The following USP10 variants were observed in gnomAD, a reference collection of about 807,000 sequenced individuals.
USP10 encodes the protein ubiquitin specific peptidase 10, also known as ubiquitin carboxyl-terminal hydrolase 10.
In USP10, 22 loss-of-function variants were observed where a neutral mutation model predicts 84.5. The observed-to-expected ratio is 0.26, with a 90% CI of 0.19 to 0.37. The LOEUF is 0.37. Among genes scored for constraint, USP10 ranks in the 10% least tolerant of loss-of-function variants. The pLI, the probability that USP10 is intolerant of heterozygous loss-of-function variation, is 1.00. For synonymous variants in USP10, 454 were observed against 387.6 expected, an observed-to-expected ratio of 1.17 and a Z score of -2.01; for missense variants, 1,019 against 998.9, an observed-to-expected ratio of 1.02 and a Z score of -0.27.
chr16:84,736,462 G>A (rs531995930), intron 2 of USP10, among the ~76,000 whole-genome samples: 7 of 152,344 alleles, frequency 4.6e-5, no homozygotes, highest in East Asian at 3.9e-4. Flanking sequence ...CAGGAGAAAC[G>A]AATTCAGGTG....
intron 13 of USP10, among the ~76,000 whole-genome samples, chr16:84,776,639 C>A (rs1444250572): frequency 6.6e-6 from 1 of 152,156 alleles, no homozygotes; most frequent in African/African-American, 2.4e-5. Context: ...TGCACCTCTT[C>A]CCCTGGAGGC....
intron 1 of USP10, among the ~76,000 whole-genome samples, chr16:84,726,422 T>G (rs1908486435): frequency 6.6e-6 from 1 of 152,242 alleles, no homozygotes; most frequent in Non-Finnish European, 1.5e-5. Flanking sequence ...GCAGGAACAC[T>G]GGTTTTCCCA....
intron 4 of USP10, among the ~76,000 whole-genome samples, chr16:84,752,103 C>T (rs1213208083): frequency 6.6e-6 from 1 of 152,118 alleles, no homozygotes; most frequent in Non-Finnish European, 1.5e-5. Flanking sequence ...AATTTCAGTT[C>T]AGCCTTTTCA....
rs761696284 is a variant in USP10 at position 84,745,318 on chromosome 16, T to C, written c.837T>C (p.Thr279=). The change falls in exon 4 of 14, where the codon ACT becomes ACC. Residue 279 remains threonine, a synonymous_variant. Transcript: ENST00000219473. ...AGCCCTGCGTTGGTACCGATACTAC[T>C]GAAAACCTTGGAGTTGCTAATGGAC... ...GAQPCVGTDT[T]ENLGVANGQI... 3 of 1,612,954 alleles carry C rather than the reference T, an allele frequency of 1.9e-6. No individual in the cohort carries two copies. The highest frequency in any genetic ancestry group is 2.7e-5 in the African/African-American group (2 of 74,912).
chr16:84,745,756 A>G, intron 4 of USP10, 83 bp downstream of exon 4: 2 of 1,391,756 alleles, frequency 1.4e-6, no homozygotes, highest in Non-Finnish European at 1.9e-6. Flanking sequence ...TGTTACCCAT[A>G]ACAATGGCAG....
intron 1 of USP10, chr16:84,732,510 G>A (rs1214871329): frequency 1.6e-5 from 6 of 383,784 alleles, no homozygotes; most frequent in Admixed American, 3.4e-5. Flanking sequence ...GCGGTGGCGC[G>A]ATCTCAGCTC....
intron 4 of USP10, among the ~76,000 whole-genome samples, chr16:84,746,035 CTG>C (rs1911186993): frequency 6.6e-6 from 1 of 151,472 alleles, no homozygotes; most frequent in Non-Finnish European, 1.5e-5. Context: ...TTTGTACTCA[CTG>C]TGTGCTCCTT....
At chr16:84,717,253 G>C (rs543783547) in intron 1 of USP10, among the ~76,000 whole-genome samples, 2 of 152,014 alleles carry the variant, frequency 1.3e-5, no homozygotes, top group African/African-American at 4.8e-5. Context: ...CATTCTTTAG[G>C]GGGTGGGCCT....
At chr16:84,748,388 TCTC>T (rs1365586315) in intron 4 of USP10, among the ~76,000 whole-genome samples, 1 of 151,670 alleles carries the variant, frequency 6.6e-6, no homozygotes, top group Non-Finnish European at 1.5e-5. Flanking sequence ...ACTGCAACCT[TCTC>T]CTCCTGGGTT....
chr16:84,740,984 T>C (rs931764051), intron 3 of USP10, among the ~76,000 whole-genome samples: 7 of 152,266 alleles, frequency 4.6e-5, no homozygotes, highest in South Asian at 2.1e-4. Context: ...TAATTATTGA[T>C]TGCAGGCTGC....
intron 1 of USP10, among the ~76,000 whole-genome samples, chr16:84,730,332 A>T (rs1268490017): frequency 6.6e-6 from 1 of 151,862 alleles, no homozygotes; most frequent in Non-Finnish European, 1.5e-5. Flanking sequence ...TATTTTGAAG[A>T]TCTCTCGCTG....
At position 84,764,113 on chromosome 16, in the gene USP10, A is replaced by T; in HGVS notation, c.1682A>T (p.Asn561Ile). The change falls in exon 10 of 14, where the codon AAC (asparagine) becomes ATC (isoleucine). Residue 561 changes from asparagine to isoleucine, a missense_variant. Physicochemically the swap from Asn to Ile is moderately radical, Grantham distance 149. Around this residue, in one of 2 missense-constraint regions of USP10, gnomAD observed 787 missense variants for 708.8 expected, o/e 1.11. Transcript: ENST00000219473. ...EKLTISNGPKNHSVNEEEQEE... is the reference protein window; with the variant it reads ...EKLTISNGPKIHSVNEEEQEE... Reference sequence around the variant, plus strand: ...CTTACGATTTCCAACGGCCCCAAAAACCACTCGGTCAATGAAGAAGAGCAG... The same window carrying T: ...CTTACGATTTCCAACGGCCCCAAAATCCACTCGGTCAATGAAGAAGAGCAG... 1.2e-6 allele frequency: 2 copies of T among 1,613,654 alleles called. No homozygotes were observed. Among genetic ancestry groups the T allele is most frequent in the Non-Finnish European group, 1.7e-6 (2 of 1,179,726 alleles).
chr16:84,723,270 G>T (rs1233944656), intron 1 of USP10, among the ~76,000 whole-genome samples: 4 of 151,916 alleles, frequency 2.6e-5, no homozygotes, highest in Non-Finnish European at 5.9e-5. Context: ...CAAAATAGGT[G>T]TTCCTTTAAA....
chr16:84,768,395 G>T (rs761988726), intron 11 of USP10, 37 bp downstream of exon 11: 1 of 1,506,164 alleles, frequency 6.6e-7, no homozygotes, highest in South Asian at 1.4e-5. Context: ...TTCTACTAAG[G>T]TGCTCTGGTT....
intron 3 of USP10, 115 bp from the exon 4 acceptor site, chr16:84,744,518 T>A: frequency 2.1e-6 from 2 of 942,962 alleles, no homozygotes; most frequent in Non-Finnish European, 3.1e-6. Flanking sequence ...ACGTAATAGA[T>A]TTGTTGATTA....
Position 84,759,881 on chromosome 16 carries a change from C to T in USP10, c.1395-10C>T, listed in dbSNP as rs1343408092. 6.2e-7 allele frequency: 1 copy of T among 1,613,528 alleles called. No individual in the cohort carries two copies. The highest frequency in any genetic ancestry group is 1.1e-5 in the South Asian group (1 of 91,050). ...AACTGCACTATTTAACATTTTTTCC[C>T]CATGTTTAGTGTTCGGCTAATGAAT... On this transcript the variant is annotated splice_polypyrimidine_tract_variant and intron_variant, in intron 6 of 13. Transcript: ENST00000219473.
intron 1 of USP10, among the ~76,000 whole-genome samples, chr16:84,719,029 T>C (rs1907433531): frequency 6.6e-6 from 1 of 152,048 alleles, no homozygotes; most frequent in Non-Finnish European, 1.5e-5. Flanking sequence ...TGACCTCAAA[T>C]GATCCACCCG....
At chr16:84,719,769 T>G (rs1475637355) in intron 1 of USP10, among the ~76,000 whole-genome samples, 2 of 152,234 alleles carry the variant, frequency 1.3e-5, no homozygotes, top group East Asian at 1.9e-4. Flanking sequence ...AATACATAAT[T>G]AAAGAGTGGA....
At chr16:84,719,592 A>T (rs190520353) in intron 1 of USP10, among the ~76,000 whole-genome samples, 30 of 152,300 alleles carry the variant, frequency 2.0e-4, no homozygotes, top group Admixed American at 1.7e-3. Context: ...CTGCTAGGTG[A>T]GTACCACCGC....
Sources: allele counts gnomAD v4.1 joint callset (sites outside exome capture counted in the v4.1 genomes callset), GRCh38; gene constraint gnomAD v4.1.1; regional missense constraint gnomAD v4.1.1; transcripts MANE v1.5; gene names NCBI Gene and HGNC (gene_info 2026-07-23, HGNC 2026-07-21).